The following KRABD5 variants were observed in gnomAD, a reference collection of about 807,000 sequenced individuals.
KRABD5 encodes the protein KRAB domain-containing protein 5.
chr16:31,731,329 T>C, the KRABD5 span, among the ~76,000 whole-genome samples: 3 of 151,526 alleles, frequency 2.0e-5, no homozygotes, highest in South Asian at 2.1e-4. Flanking sequence ...AGGGCATAGA[T>C]AGTCATGGAT....
chr16:31,754,073 G>A, the KRABD5 span: 1 of 787,014 alleles, frequency 1.3e-6, no homozygotes, highest in Non-Finnish European at 2.2e-6. Context: ...ATCAATTTTT[G>A]AAACTTACCT....
chr16:31,723,241 T>C, the KRABD5 span: 1 of 1,609,922 alleles, frequency 6.2e-7, no homozygotes, highest in African/African-American at 1.3e-5. Flanking sequence ...GTCATGTGAC[T>C]TTTTCTAATA....
chr16:31,717,754 A>T, the KRABD5 span, among the ~76,000 whole-genome samples: 1 of 152,106 alleles, frequency 6.6e-6, no homozygotes, highest in Non-Finnish European at 1.5e-5. Flanking sequence ...TTTCCCAAAC[A>T]CTGAGAAATG....
chr16:31,726,371 G>A, the KRABD5 span, among the ~76,000 whole-genome samples: 2 of 152,256 alleles, frequency 1.3e-5, no homozygotes, highest in African/African-American at 4.8e-5. Context: ...TATTAGTATA[G>A]CTTTGTAATA....
chr16:31,731,400 A>C, the KRABD5 span, among the ~76,000 whole-genome samples: 1 of 152,170 alleles, frequency 6.6e-6, no homozygotes, highest in East Asian at 1.9e-4. Context: ...GCTGGTTCTA[A>C]GATAAGGAAT....
chr16:31,733,453 G>A, the KRABD5 span: 11 of 453,784 alleles, frequency 2.4e-5, no homozygotes, highest in Non-Finnish European at 4.9e-5. Flanking sequence ...CAGTTTATTA[G>A]TGTTAAGTAT....
chr16:31,713,502 T>G, the KRABD5 span: 3 of 1,562,936 alleles, frequency 1.9e-6, no homozygotes, highest in Non-Finnish European at 1.7e-6. Context: ...GGGAACCCTC[T>G]TTGAGGTTAG....
the KRABD5 span, chr16:31,754,385 C>T: frequency 3.3e-5 from 20 of 612,626 alleles, no homozygotes; most frequent in Non-Finnish European, 5.2e-5. Context: ...ATATCACACA[C>T]ATAATAAAAC....
the KRABD5 span, among the ~76,000 whole-genome samples, chr16:31,716,990 AGTCT>A: frequency 2.2e-5 from 3 of 133,902 alleles, no homozygotes; most frequent in Non-Finnish European, 4.6e-5. Context: ...TTTGTCAGTC[AGTCT>A]TTGTTTTTTT....
the KRABD5 span, among the ~76,000 whole-genome samples, chr16:31,740,815 C>A: frequency 6.6e-6 from 1 of 151,914 alleles, no homozygotes; most frequent in Non-Finnish European, 1.5e-5. Flanking sequence ...TTTCTTTTTT[C>A]TCTTAATATA....
the KRABD5 span, chr16:31,733,758 G>A: frequency 1.3e-5 from 5 of 383,586 alleles, no homozygotes; most frequent in Middle Eastern, 8.7e-4. Flanking sequence ...ATGTTCTGTT[G>A]TGTATGTGTG....
the KRABD5 span, among the ~76,000 whole-genome samples, chr16:31,744,572 G>T: frequency 6.6e-6 from 1 of 152,158 alleles, no homozygotes; most frequent in Non-Finnish European, 1.5e-5. Context: ...TGGGGTATTA[G>T]CCTGAAGTTT....
chr16:31,744,395 T>C, the KRABD5 span, among the ~76,000 whole-genome samples: 1 of 152,208 alleles, frequency 6.6e-6, no homozygotes, highest in South Asian at 2.1e-4. Flanking sequence ...GTGGTTTTTG[T>C]CTTTGGTTCT....
chr16:31,723,386 G>T, the KRABD5 span: 1 of 1,591,430 alleles, frequency 6.3e-7, no homozygotes, highest in Non-Finnish European at 8.6e-7. Context: ...GATGACATGG[G>T]CGAGAGGTCC....
the KRABD5 span, among the ~76,000 whole-genome samples, chr16:31,720,358 T>C: frequency 6.6e-6 from 1 of 152,236 alleles, no homozygotes. Flanking sequence ...TCTAGCTGTG[T>C]GCTACTGATT....
the KRABD5 span, among the ~76,000 whole-genome samples, chr16:31,715,722 T>A: frequency 6.6e-6 from 1 of 152,052 alleles, no homozygotes; most frequent in Non-Finnish European, 1.5e-5. Context: ...TGCCTCTGGG[T>A]GCTGTCAGAA....
the KRABD5 span, chr16:31,759,231 A>G: frequency 9.6e-7 from 1 of 1,045,222 alleles, no homozygotes; most frequent in Non-Finnish European, 1.4e-6. Context: ...TATAGCTTTT[A>G]GAACAAAATA....
chr16:31,749,845 A>G, the KRABD5 span, among the ~76,000 whole-genome samples: 1 of 152,080 alleles, frequency 6.6e-6, no homozygotes, highest in Non-Finnish European at 1.5e-5. Flanking sequence ...GTTCTTTTCG[A>G]TGGGAGCCTC....
the KRABD5 span, among the ~76,000 whole-genome samples, chr16:31,722,438 C>T: frequency 6.6e-6 from 1 of 152,170 alleles, no homozygotes; most frequent in Non-Finnish European, 1.5e-5. Context: ...GATTTTGTAT[C>T]ATTCTCTTTC....
Sources: gnomAD v4.1 joint callset for allele counts (sites outside exome capture counted in the v4.1 genomes callset) on GRCh38, gnomAD v4.1.1 for gene constraint, MANE v1.5 for transcripts, NCBI Gene and HGNC (gene_info 2026-07-23, HGNC 2026-07-21) for gene names.